Variants in FXR2 observed in about 807,000 individuals in gnomAD.
FXR2 encodes RNA-binding protein FXR2.
A neutral mutation model predicts 87.3 loss-of-function variants in FXR2; 9 were observed. The observed-to-expected ratio is 0.10, with a 90% CI of 0.06 to 0.18. The LOEUF (loss-of-function observed/expected upper bound fraction) is 0.18. Among genes scored for constraint, FXR2 ranks in the 10% least tolerant of loss-of-function variants. The pLI, the probability that FXR2 is intolerant of heterozygous loss-of-function variation, is 1.00. For missense variants in FXR2, 661 were observed against 893.6 expected (o/e 0.74, Z 3.32); for synonymous variants, 331 against 328.3 (o/e 1.01, Z -0.09).
At chr17:7,608,202 C>T (rs1437092943) in intron 1 of FXR2, among the ~76,000 whole-genome samples, 6 of 151,874 alleles carry the variant, frequency 4.0e-5, no homozygotes, top group African/African-American at 7.2e-5. Flanking sequence ...GCAATGCACC[C>T]GCCTTAGCCT....
rs779715183 is a variant in FXR2, at chr17:7,592,425, G to T, written c.1826-71C>A. 3 of 1,544,476 alleles carry T rather than the reference G, an allele frequency of 1.9e-6. No homozygotes were observed. In the East Asian group the frequency reaches 6.7e-5, roughly 35 times the overall value. The stretch of plus-strand genomic sequence containing the variant: ...CCAGCCTAAGACACCCACTGAACCC[G>T]AACCCCTGATTTTCACAGGGGTGAG... On this transcript the variant is annotated intron_variant, in intron 15 of 16. Coordinates refer to ENST00000250113, the MANE Select transcript of FXR2 (RefSeq NM_004860.4). This position sits in a 1 kb window ranked among gnomAD's most constrained non-coding sequence, Gnocchi z 4.8.
chr17:7,594,711 T>A lies in FXR2; in HGVS notation c.878A>T (p.Glu293Val). 6.2e-7 allele frequency: 1 copy of A among 1,612,460 alleles called. No homozygotes were observed. ...RQARSYLEFS[E>V]DSVQVPRNLV... ...GTTCCTGGGCACTTGCACTGAGTCC[T>A]CAGAAAACTCAAGGTAGCTTCGGGC... Residue 293 changes from glutamate to valine, a missense_variant, in exon 9 of 17, where the codon GAG becomes GTG. Around this residue, in one of 3 missense-constraint regions of FXR2, gnomAD observed 82 missense variants for 214.4 expected, o/e 0.38. Coordinates refer to ENST00000250113, the MANE Select transcript of FXR2 (RefSeq NM_004860.4). The surrounding 1 kb of genome is among the most constrained non-coding windows in gnomAD (Gnocchi z 5.1).
In FXR2 at chr17:7,595,012, T is replaced by C. The variant is rs2071696422; in HGVS notation, c.832-255A>G. ...CTCTAATCCCAGCTACTCCGGAGGCTGAGGCAGGAGATTTCTTGAACCCAG... is the reference window on the plus strand; with the variant it reads ...CTCTAATCCCAGCTACTCCGGAGGCCGAGGCAGGAGATTTCTTGAACCCAG... On this transcript the variant is annotated intron_variant, in intron 8 of 16. Coordinates refer to ENST00000250113, the MANE Select transcript of FXR2 (RefSeq NM_004860.4). The surrounding 1 kb of genome is among the most constrained non-coding windows in gnomAD (Gnocchi z 4.7). 6.6e-6 allele frequency among the ~76,000 whole-genome samples: 1 copy of C among 151,988 alleles called. No homozygotes were observed. Among genetic ancestry groups the C allele is most frequent in the Non-Finnish European group, 1.5e-5 (1 of 67,996 alleles).
chr17:7,598,659 C>G (rs1171967850), intron 7 of FXR2, among the ~76,000 whole-genome samples: 1 of 151,294 alleles, frequency 6.6e-6, no homozygotes, highest in Non-Finnish European at 1.5e-5. Context: ...GATCGCACTA[C>G]TGCACTCCAG....
Position 7,594,124 on chromosome 17 carries a change from G to T in FXR2, c.1020+114C>A. The T allele has an allele frequency of 1.1e-6, 1 of 890,140 alleles. No homozygotes were observed. The highest frequency in any genetic ancestry group is 1.4e-5 in the South Asian group (1 of 72,896). 55.1% of individuals were successfully genotyped at this position (890,140 alleles called of 1,614,324 possible). A position where few individuals can be genotyped will look rare whatever the true frequency, so the allele number is the denominator to read the frequency against. ...ATCATTCTGGGCTCTAAATCTACTAGTGTTAAACAACTTTCCGTACTCCAC... is the reference window on the plus strand; with the variant it reads ...ATCATTCTGGGCTCTAAATCTACTATTGTTAAACAACTTTCCGTACTCCAC... On this transcript the variant is annotated intron_variant, in intron 10 of 16. Coordinates refer to ENST00000250113, the MANE Select transcript of FXR2 (RefSeq NM_004860.4). This position sits in a 1 kb window ranked among gnomAD's most constrained non-coding sequence, Gnocchi z 5.1.
At chr17:7,614,272 A>G (rs1229392878) in intron 1 of FXR2, among the ~76,000 whole-genome samples, 180 bp downstream of exon 1, 1 of 152,082 alleles carries the variant, frequency 6.6e-6, no homozygotes, top group African/African-American at 2.4e-5. Context: ...AGGGGTCAAA[A>G]ATAAGAGGAA....
chr17:7,609,392 C>T (rs1020869002), intron 1 of FXR2, among the ~76,000 whole-genome samples: 1 of 152,172 alleles, frequency 6.6e-6, no homozygotes, highest in Admixed American at 6.5e-5. Context: ...GCTATAGAGG[C>T]TGCAGTCAGT....
At chr17:7,612,814 G>A (rs910514300) in intron 1 of FXR2, among the ~76,000 whole-genome samples, 7 of 151,850 alleles carry the variant, frequency 4.6e-5, no homozygotes, top group African/African-American at 1.7e-4. Flanking sequence ...GGCTAACACA[G>A]TGAAACCCCG....
chr17:7,594,138 T>C lies in FXR2; in HGVS notation c.1020+100A>G, dbSNP rs537768519. ...TAAATCTACTAGTGTTAAACAACTT[T>C]CCGTACTCCACCCTCTCAAAGAACA... is the stretch of plus-strand genomic sequence containing the variant. On this transcript the variant is annotated intron_variant, in intron 10 of 16. Transcript: ENST00000250113. The surrounding 1 kb of genome is among the most constrained non-coding windows in gnomAD (Gnocchi z 5.1). The C allele has an allele frequency of 4.3e-5, 39 of 902,258 alleles. No homozygotes were observed. The highest frequency in any genetic ancestry group is 3.9e-4 in the African/African-American group (24 of 61,032). 55.9% of individuals were successfully genotyped at this position (902,258 alleles called of 1,614,324 possible).
At chr17:7,600,216 G>C (rs960653090) in intron 7 of FXR2, among the ~76,000 whole-genome samples, 6 of 145,356 alleles carry the variant, frequency 4.1e-5, no homozygotes, top group Admixed American at 3.5e-4. Context: ...TTTTTTCTTT[G>C]AGACAGAGTT....
chr17:7,601,118 G>A (rs2071752019), intron 7 of FXR2, among the ~76,000 whole-genome samples: 1 of 151,610 alleles, frequency 6.6e-6, no homozygotes. Flanking sequence ...GGCAGGGGTT[G>A]CAGTGAGCCG....
In FXR2 at chr17:7,593,121, T is replaced by C; in HGVS notation, c.1391A>G (p.Asn464Ser). 1.3e-6 allele frequency: 2 copies of C among 1,581,380 alleles called. No homozygotes were observed. The highest frequency in any genetic ancestry group is 1.7e-6 in the Non-Finnish European group (2 of 1,165,586). The change falls in exon 13 of 17, where the codon AAC (asparagine) becomes AGC (serine). Residue 464 changes from asparagine to serine, a missense_variant. Asn to Ser is a conservative substitution (Grantham distance 46). This residue lies in a region of FXR2 where 409 missense variants were observed against 432.0 expected (regional missense o/e 0.95). Transcript: ENST00000250113. This position sits in a 1 kb window ranked among gnomAD's most constrained non-coding sequence, Gnocchi z 6.1. ...ETESEKREEP[N>S]RAGPGDRDPP... ...ATCCCTGTCGCCAGGCCCAGCTCGGTTGGGCTCCTCTCTCTTCTCTGACTC... is the reference window on the plus strand; with the variant it reads ...ATCCCTGTCGCCAGGCCCAGCTCGGCTGGGCTCCTCTCTCTTCTCTGACTC...
intron 7 of FXR2, among the ~76,000 whole-genome samples, chr17:7,597,920 A>G (rs1379699226): frequency 6.6e-6 from 1 of 150,816 alleles, no homozygotes; most frequent in Non-Finnish European, 1.5e-5. Context: ...GGAGATTCCA[A>G]GGATTTTAGA....
rs1406165273 is a variant in FXR2 at position 7,592,451 on chromosome 17, C to T, written c.1825+53G>A. On this transcript the variant is annotated intron_variant, in intron 15 of 16. Transcript: ENST00000250113. The surrounding 1 kb of genome is among the most constrained non-coding windows in gnomAD (Gnocchi z 4.8). ...AACCCCTGATTTTCACAGGGGTGAG[C>T]ATCCCATTCTCTCAGCTCTGAGGAA... is the stretch of plus-strand genomic sequence containing the variant. The T allele has an allele frequency of 1.3e-6, 2 of 1,567,200 alleles. No homozygotes were observed. The highest frequency in any genetic ancestry group is 2.7e-5 in the African/African-American group (2 of 73,950).
At chr17:7,606,758 T>TGATAATTTATAAAGGATAATTTATAAAG (rs2071806421) in intron 1 of FXR2, among the ~76,000 whole-genome samples, 1 of 152,160 alleles carries the variant, frequency 6.6e-6, no homozygotes, top group Non-Finnish European at 1.5e-5. Context: ...AGAATGACAC[T>TGATAATTTATAAAGGATAATTTATAAAG]GATAATTTAT....
Position 7,592,542 on chromosome 17 carries a change from T to G in FXR2, c.1787A>C (p.Asn596Thr). The G allele has an allele frequency of 3.7e-6, 6 of 1,613,966 alleles. No homozygotes were observed. The highest frequency in any genetic ancestry group is 4.2e-6 in the Non-Finnish European group (5 of 1,179,872). Residue 596 changes from asparagine (N) to threonine (T), a missense_variant, in exon 15 of 17, where the codon AAT becomes ACT. Physicochemically the swap from Asn to Thr is moderately conservative, Grantham distance 65. Coordinates refer to ENST00000250113, the MANE Select transcript of FXR2 (RefSeq NM_004860.4). This position sits in a 1 kb window ranked among gnomAD's most constrained non-coding sequence, Gnocchi z 4.8. The part of the protein sequence containing the change: ...NRSRRRRNRG[N>T]RTDGSISGDR... The stretch of plus-strand genomic sequence containing the variant: ...TCCACTGATAGAGCCATCAGTCCGA[T>G]TACCACGGTTACGGCGGCGGCGGCT...
chr17:7,610,000 GT>G (rs2071845495), intron 1 of FXR2, among the ~76,000 whole-genome samples: 1 of 125,790 alleles, frequency 7.9e-6, no homozygotes, highest in African/African-American at 2.9e-5. Flanking sequence ...ACATGTATAT[GT>G]ATACATATAT....
At position 7,591,826 on chromosome 17, in the gene FXR2, G is replaced by A. The variant is rs1215437653; in HGVS notation, c.*4C>T. 2 of 1,465,110 alleles carry A rather than the reference G, an allele frequency of 1.4e-6. No homozygotes were observed. The highest frequency in any genetic ancestry group is 2.3e-5 in the South Asian group (2 of 88,218). 90.8% of individuals were successfully genotyped at this position (1,465,110 alleles called of 1,614,324 possible). ...GGAGAAGGGAGGGGTGCAGGTTGGA[G>A]GTTTTATGAAACCCCATTCACCATA... On this transcript the variant is annotated 3_prime_UTR_variant, in exon 17 of 17. Coordinates refer to ENST00000250113, the MANE Select transcript of FXR2 (RefSeq NM_004860.4). This position sits in a 1 kb window ranked among gnomAD's most constrained non-coding sequence, Gnocchi z 4.0.
At position 7,595,397 on chromosome 17, in the gene FXR2, G is replaced by A. The variant is rs903512111; in HGVS notation, c.831+427C>T. Among the ~76,000 whole-genome samples, 9 of 151,776 alleles carry A rather than the reference G, an allele frequency of 5.9e-5. No homozygotes were observed. The highest frequency in any genetic ancestry group is 1.9e-4 in the African/African-American group (8 of 41,380). ...AGGCTCAAGTGATCCTCCTGCCTCC[G>A]CCTCCCAAGTAGCCAAGTAGCTGGG... is the stretch of plus-strand genomic sequence containing the variant. On this transcript the variant is annotated intron_variant, in intron 8 of 16. Coordinates refer to ENST00000250113, the MANE Select transcript of FXR2 (RefSeq NM_004860.4). This position sits in a 1 kb window ranked among gnomAD's most constrained non-coding sequence, Gnocchi z 4.7.
Sources: gnomAD v4.1 joint callset for allele counts (sites outside exome capture counted in the v4.1 genomes callset) on GRCh38, gnomAD v4.1.1 for gene constraint, gnomAD v4.1.1 regional missense constraint, Gnocchi (gnomAD v3.1) non-coding constraint, MANE v1.5 for transcripts, NCBI Gene and HGNC (gene_info 2026-07-23, HGNC 2026-07-21) for gene names.